CADM2: variants seen among roughly 807,000 people sequenced by gnomAD.
CADM2 encodes immunoglobulin superfamily member 4D.
Under a neutral mutation model 49.8 loss-of-function variants are expected in CADM2, and 12 were observed. The observed-to-expected ratio is 0.24, with a 90% CI of 0.15 to 0.39. CADM2 has a LOEUF of 0.39. CADM2 is among the 10% of genes least tolerant of loss of function. The pLI is 1.00. For missense variants in CADM2, 378 were observed against 492.3 expected (o/e 0.77, Z 2.20); for synonymous variants, 214 against 175.4 (o/e 1.22, Z -1.74).
chr3:86,066,602 C>A, intron 9 of CADM2, 63 bp from the exon 10 acceptor site: 2 of 1,233,066 alleles, frequency 1.6e-6, no homozygotes, highest in Non-Finnish European at 1.2e-6. Flanking sequence ...AATAATGTAG[C>A]TTTAATGCTG....
At chr3:85,106,022 C>A (rs946214740) in intron 1 of CADM2, among the ~76,000 whole-genome samples, 1 of 151,930 alleles carries the variant, frequency 6.6e-6, no homozygotes, top group African/African-American at 2.4e-5. Flanking sequence ...TGCAGCACAC[C>A]AGCATGGCAC....
chr3:85,493,991 G>A (rs2107652178), intron 1 of CADM2, among the ~76,000 whole-genome samples: 1 of 152,286 alleles, frequency 6.6e-6, no homozygotes, highest in African/African-American at 2.4e-5. Context: ...AGACTGAAAT[G>A]TTTATGGCCT....
intron 1 of CADM2, among the ~76,000 whole-genome samples, chr3:85,354,520 T>G (rs1201641876): frequency 6.6e-6 from 1 of 151,234 alleles, no homozygotes; most frequent in East Asian, 2.0e-4. Context: ...AATAATAAAG[T>G]GACCTAATGC....
chr3:85,904,601 C>A (rs953725385), intron 5 of CADM2, among the ~76,000 whole-genome samples: 1 of 152,144 alleles, frequency 6.6e-6, no homozygotes, highest in East Asian at 1.9e-4. Context: ...AGACCCTTGG[C>A]ACAATTTTCA....
chr3:85,255,738 C>A (rs1183951145), intron 1 of CADM2, among the ~76,000 whole-genome samples: 1 of 151,976 alleles, frequency 6.6e-6, no homozygotes, highest in African/African-American at 2.4e-5. Flanking sequence ...AGATTTAATT[C>A]TTCCTGGACT....
intron 1 of CADM2, among the ~76,000 whole-genome samples, chr3:85,155,161 C>T (rs1310934622): frequency 1.3e-5 from 2 of 149,954 alleles, no homozygotes; most frequent in Non-Finnish European, 2.9e-5. Flanking sequence ...GATAAACAGT[C>T]AAGACCCATC....
chr3:85,916,115 T>C (rs186420576), intron 6 of CADM2, among the ~76,000 whole-genome samples: 53 of 152,300 alleles, frequency 3.5e-4, no homozygotes, highest in Middle Eastern at 3.4e-3. Flanking sequence ...GCAATGTTTT[T>C]AAAAATAAAA....
chr3:85,874,371 T>G (rs1167433403), intron 3 of CADM2, among the ~76,000 whole-genome samples: 1 of 152,200 alleles, frequency 6.6e-6, no homozygotes, highest in Admixed American at 6.5e-5. Context: ...TAACAAGGGC[T>G]GGTTTCTCTA....
chr3:85,286,920 A>G (rs1278142017), intron 1 of CADM2, among the ~76,000 whole-genome samples: 2 of 152,134 alleles, frequency 1.3e-5, no homozygotes, highest in Non-Finnish European at 1.5e-5. Flanking sequence ...AATATCAGTA[A>G]TTTGATGTCC....
At chr3:85,168,133 G>T (rs866750657) in intron 1 of CADM2, among the ~76,000 whole-genome samples, 8 of 152,160 alleles carry the variant, frequency 5.3e-5, no homozygotes, top group Middle Eastern at 3.4e-3. Context: ...TGGGCTCTTT[G>T]CAACCTCCAC....
At chr3:84,969,490 T>G (rs1181172872) in intron 1 of CADM2, among the ~76,000 whole-genome samples, 2 of 147,698 alleles carry the variant, frequency 1.4e-5, no homozygotes, top group Non-Finnish European at 3.0e-5. Context: ...TTTTGACTAA[T>G]CGAATGTCTG....
intron 1 of CADM2, among the ~76,000 whole-genome samples, chr3:85,109,199 T>C (rs1175142074): frequency 6.6e-6 from 1 of 152,014 alleles, no homozygotes; most frequent in Non-Finnish European, 1.5e-5. Context: ...TTCATAAGCA[T>C]CAACTGTCAT....
At chr3:85,426,125 G>T (rs1307017139) in intron 1 of CADM2, among the ~76,000 whole-genome samples, 3 of 135,780 alleles carry the variant, frequency 2.2e-5, no homozygotes, top group Admixed American at 1.6e-4. Context: ...CCTGATTTCA[G>T]GCTATCTTTT....
chr3:85,298,591 G>C (rs1347173116), intron 1 of CADM2, among the ~76,000 whole-genome samples: 2 of 152,062 alleles, frequency 1.3e-5, no homozygotes, highest in Non-Finnish European at 2.9e-5. Context: ...ATTCAAGAGA[G>C]AGCTTCTTAA....
chr3:85,797,910 T>G (rs1214227424), intron 2 of CADM2, among the ~76,000 whole-genome samples: 1 of 152,158 alleles, frequency 6.6e-6, no homozygotes, highest in Non-Finnish European at 1.5e-5. Context: ...TCCACATCCT[T>G]TCCAGCATCT....
intron 1 of CADM2, among the ~76,000 whole-genome samples, chr3:85,524,183 T>A (rs4856580): frequency 0.51 from 78,248 of 152,002 alleles, 23,119 homozygotes; most frequent in East Asian, 0.85. Context: ...GGCAGCTTTT[T>A]ATTTCATTGA....
In CADM2 at chr3:85,893,143, A is replaced by C. The variant is rs191417305; in HGVS notation, c.529+6816A>C. On this transcript the variant is annotated intron_variant, in intron 5 of 9. Coordinates refer to ENST00000383699, the MANE Select transcript of CADM2 (RefSeq NM_001167675.2). ...GATAATTTAGAGTATATGGCAGAAGAAATTTCTGAGTGGTAAAACAGTAAA... is the reference window on the plus strand; with the variant it reads ...GATAATTTAGAGTATATGGCAGAAGCAATTTCTGAGTGGTAAAACAGTAAA... 5.1e-4 allele frequency among the ~76,000 whole-genome samples: 78 copies of C among 152,348 alleles called. 1 individual carries two copies. The East Asian group carries it at 7.1e-3, about 14-fold the overall frequency.
At position 85,668,339 on chromosome 3, in the gene CADM2, C is replaced by T. The variant is rs1353733125; in HGVS notation, c.62-58183C>T. Among the ~76,000 whole-genome samples, 6 of 111,558 alleles carry T rather than the reference C, an allele frequency of 5.4e-5. No individual in the cohort carries two copies. The South Asian group carries it at 1.2e-3, about 23-fold the overall frequency. 73.2% of individuals were successfully genotyped at this position (111,558 alleles called of 152,430 possible). On this transcript the variant is annotated intron_variant, in intron 1 of 9. Coordinates refer to ENST00000383699, the MANE Select transcript of CADM2 (RefSeq NM_001167675.2). ...GCAAACAAAAACAAACACAAACAAA[C>T]AAAAAAACACCTCAAATAAATCTAG... is the stretch of plus-strand genomic sequence containing the variant.
At chr3:85,999,567 C>CAGGAAGGA (rs34807959) in intron 8 of CADM2, among the ~76,000 whole-genome samples, 2 of 121,920 alleles carry the variant, frequency 1.6e-5, no homozygotes, top group African/African-American at 3.2e-5. Context: ...GGCAGGAAGG[C>CAGGAAGGA]AGGAAGGAAG....
Sources: allele counts gnomAD v4.1 joint callset (sites outside exome capture counted in the v4.1 genomes callset), GRCh38; gene constraint gnomAD v4.1.1; transcripts MANE v1.5; gene names NCBI Gene and HGNC (gene_info 2026-07-23, HGNC 2026-07-21).